Variants in STEAP1B observed in about 807,000 individuals in gnomAD.
STEAP1B encodes STEAP family protein MGC87042.
Under a neutral mutation model 27.9 loss-of-function variants are expected in STEAP1B, and 13 were observed. That is an observed-to-expected ratio of 0.47 (90% CI 0.30 to 0.74). The LOEUF (loss-of-function observed/expected upper bound fraction) is 0.74. Among genes scored for constraint, STEAP1B ranks in the 30% least tolerant of loss-of-function variants. The pLI, the probability that STEAP1B is intolerant of heterozygous loss-of-function variation, is 0.06. For missense variants in STEAP1B, 250 were observed against 298.7 expected, an observed-to-expected ratio of 0.84 and a Z score of 1.20; for synonymous variants, 86 against 107.1, an observed-to-expected ratio of 0.80 and a Z score of 1.22.
intron 4 of STEAP1B, among the ~76,000 whole-genome samples, chr7:22,426,146 A>C (rs1583626613): frequency 6.6e-6 from 1 of 152,120 alleles, no homozygotes; most frequent in South Asian, 2.1e-4. Context: ...TTTCATTTAC[A>C]GTAAAACTTT....
rs534694851 is a variant in STEAP1B, at chr7:22,452,339, T to C, written c.763-32503A>G. ...CCACACTCCAATTTGCTCATATTTG[T>C]GTGAGAAACGGAAAGAAAGTGACCC... On this transcript the variant is annotated intron_variant, in intron 4 of 4. Transcript: ENST00000678116. Among the ~76,000 whole-genome samples the C allele has an allele frequency of 2.4e-4, 36 of 152,214 alleles. 1 individual carries two copies. The South Asian group carries it at 7.1e-3, about 30-fold the overall frequency.
intron 4 of STEAP1B, among the ~76,000 whole-genome samples, chr7:22,429,458 AG>A (rs1785151055): frequency 6.6e-6 from 1 of 152,206 alleles, no homozygotes; most frequent in Non-Finnish European, 1.5e-5. Flanking sequence ...TATTATCCAC[AG>A]GTAATAGGTT....
At chr7:22,456,040 G>C (rs145804162) in intron 4 of STEAP1B, among the ~76,000 whole-genome samples, 1 of 151,970 alleles carries the variant, frequency 6.6e-6, no homozygotes, top group Non-Finnish European at 1.5e-5. Context: ...CCAGCTACTC[G>C]TGAGGCTGAG....
intron 4 of STEAP1B, among the ~76,000 whole-genome samples, chr7:22,473,821 G>A (rs1785927190): frequency 1.3e-5 from 2 of 152,290 alleles, no homozygotes; most frequent in East Asian, 3.9e-4. Flanking sequence ...CACACCAGGA[G>A]TTGCAGTCTG....
intron 4 of STEAP1B, among the ~76,000 whole-genome samples, chr7:22,426,940 A>T (rs1439997420): frequency 6.6e-6 from 1 of 152,206 alleles, no homozygotes; most frequent in African/African-American, 2.4e-5. Flanking sequence ...CTGCTGGATA[A>T]TAATGTAACA....
intron 4 of STEAP1B, among the ~76,000 whole-genome samples, chr7:22,460,762 C>G (rs1018083083): frequency 6.6e-5 from 10 of 152,232 alleles, no homozygotes; most frequent in African/African-American, 2.4e-4. Context: ...AACTCCTGAA[C>G]CACCCCGGAG....
intron 4 of STEAP1B, among the ~76,000 whole-genome samples, chr7:22,427,684 A>C (rs1335921665): frequency 2.6e-5 from 4 of 152,208 alleles, no homozygotes; most frequent in African/African-American, 7.2e-5. Flanking sequence ...GTAGATATGG[A>C]AATTAATGTA....
At chr7:22,440,152 T>G (rs1364096569) in intron 4 of STEAP1B, among the ~76,000 whole-genome samples, 2 of 152,150 alleles carry the variant, frequency 1.3e-5, no homozygotes, top group East Asian at 3.8e-4. Flanking sequence ...AAAACGAGCT[T>G]ACTTAGGGAC....
At chr7:22,439,057 C>G (rs746696178) in intron 4 of STEAP1B, among the ~76,000 whole-genome samples, 29 of 152,094 alleles carry the variant, frequency 1.9e-4, no homozygotes, top group Non-Finnish European at 3.2e-4. Flanking sequence ...ATGACATTTA[C>G]TATCCAACAT....
intron 4 of STEAP1B, among the ~76,000 whole-genome samples, chr7:22,441,849 C>A (rs1456887457): frequency 6.6e-6 from 1 of 152,268 alleles, no homozygotes; most frequent in African/African-American, 2.4e-5. Context: ...AAACTGTGAA[C>A]TGAAATACTG....
intron 4 of STEAP1B, among the ~76,000 whole-genome samples, chr7:22,455,616 C>T (rs559424690): frequency 1.3e-5 from 2 of 152,236 alleles, no homozygotes; most frequent in Admixed American, 6.5e-5. Context: ...AATTTCAGTC[C>T]TTTATCAGAT....
intron 4 of STEAP1B, among the ~76,000 whole-genome samples, chr7:22,436,762 T>C (rs1437873509): frequency 2.0e-5 from 3 of 152,244 alleles, no homozygotes; most frequent in Non-Finnish European, 4.4e-5. Flanking sequence ...CCATGGTGTA[T>C]ACGTACCACA....
intron 4 of STEAP1B, among the ~76,000 whole-genome samples, chr7:22,455,696 G>A (rs1249531719): frequency 1.3e-5 from 2 of 152,118 alleles, no homozygotes; most frequent in African/African-American, 4.8e-5. Flanking sequence ...CATTCACAGA[G>A]GCAGAAGATC....
intron 4 of STEAP1B, among the ~76,000 whole-genome samples, chr7:22,428,085 A>G (rs971600801): frequency 6.6e-6 from 1 of 152,204 alleles, no homozygotes; most frequent in African/African-American, 2.4e-5. Flanking sequence ...CTTTAAACTC[A>G]TGCACTGGCC....
At chr7:22,451,231 T>C (rs1039267193) in intron 4 of STEAP1B, among the ~76,000 whole-genome samples, 1 of 152,136 alleles carries the variant, frequency 6.6e-6, no homozygotes, top group African/African-American at 2.4e-5. Flanking sequence ...TTTCAGATTG[T>C]TCATTGTTGG....
At chr7:22,473,204 C>G (rs1159728724) in intron 4 of STEAP1B, among the ~76,000 whole-genome samples, 1 of 152,122 alleles carries the variant, frequency 6.6e-6, no homozygotes, top group Non-Finnish European at 1.5e-5. Context: ...AGATGTTTTG[C>G]AAGGAGAAGA....
intron 4 of STEAP1B, among the ~76,000 whole-genome samples, chr7:22,442,265 T>C (rs1313455857): frequency 6.6e-6 from 1 of 152,244 alleles, no homozygotes; most frequent in Non-Finnish European, 1.5e-5. Flanking sequence ...ACCAGCAGTT[T>C]TCAAGGGAAA....
intron 4 of STEAP1B, among the ~76,000 whole-genome samples, chr7:22,443,632 C>T (rs537082044): frequency 2.0e-5 from 3 of 152,188 alleles, no homozygotes; most frequent in African/African-American, 7.2e-5. Context: ...ACTGCTATGC[C>T]CTTTGCACAC....
At chr7:22,490,891 C>G in intron 4 of STEAP1B, among the ~76,000 whole-genome samples, 1 of 152,192 alleles carries the variant, frequency 6.6e-6, no homozygotes. Flanking sequence ...GCCAAATTCT[C>G]TCAGAAATGG....
Sources: allele counts gnomAD v4.1 joint callset (sites outside exome capture counted in the v4.1 genomes callset), GRCh38; gene constraint gnomAD v4.1.1; transcripts MANE v1.5; gene names NCBI Gene and HGNC (gene_info 2026-07-23, HGNC 2026-07-21).